The following PIP5K1B variants were observed in gnomAD, a reference collection of about 807,000 sequenced individuals.
The protein encoded by PIP5K1B is phosphatidylinositol-4-phosphate 5-kinase type 1 beta.
Under a neutral mutation model 67.0 loss-of-function variants are expected in PIP5K1B, and 42 were observed. The observed-to-expected ratio is 0.63, with a 90% CI of 0.49 to 0.81. The LOEUF (loss-of-function observed/expected upper bound fraction) is 0.81, where lower values mean the gene tolerates loss of function less well. Among genes scored for constraint, PIP5K1B ranks in the 30% least tolerant of loss-of-function variants. The pLI is 0.00. For synonymous variants in PIP5K1B, 214 were observed against 231.4 expected (o/e 0.92, Z 0.68); for missense variants, 459 against 646.3 (o/e 0.71, Z 3.14).
chr9:68,875,132 A>T (rs933417686), intron 5 of PIP5K1B, among the ~76,000 whole-genome samples: 1 of 151,808 alleles, frequency 6.6e-6, no homozygotes, highest in Admixed American at 6.6e-5. Context: ...GTCATTCCTT[A>T]CTATGTGACT....
intron 8 of PIP5K1B, among the ~76,000 whole-genome samples, chr9:68,912,122 C>G (rs1000171042): frequency 9.2e-5 from 14 of 152,146 alleles, no homozygotes; most frequent in East Asian, 5.8e-4. Flanking sequence ...TGAAATACCC[C>G]CCAGTCGAAA....
intron 1 of PIP5K1B, among the ~76,000 whole-genome samples, chr9:68,741,103 G>A (rs11143589): frequency 2.0e-5 from 3 of 151,976 alleles, no homozygotes; most frequent in African/African-American, 7.2e-5. Flanking sequence ...TTTCATTCTC[G>A]AACACAGATA....
chr9:68,759,779 A>G (rs943494285), intron 2 of PIP5K1B, among the ~76,000 whole-genome samples: 3 of 152,138 alleles, frequency 2.0e-5, no homozygotes, highest in South Asian at 2.1e-4. Flanking sequence ...ATTACTTTTT[A>G]TATTGATTTC....
At chr9:68,968,008 G>T (rs755706347) in intron 14 of PIP5K1B, among the ~76,000 whole-genome samples, 2 of 152,122 alleles carry the variant, frequency 1.3e-5, no homozygotes, top group Non-Finnish European at 2.9e-5. Flanking sequence ...TGGGCAAAAA[G>T]TTCACTATAA....
intron 4 of PIP5K1B, among the ~76,000 whole-genome samples, chr9:68,841,001 A>G (rs1025316611): frequency 2.0e-5 from 3 of 152,164 alleles, no homozygotes; most frequent in Non-Finnish European, 4.4e-5. Flanking sequence ...TGGTACTCTC[A>G]GTAGATACCA....
intron 11 of PIP5K1B, among the ~76,000 whole-genome samples, chr9:68,920,673 T>C (rs1191102092): frequency 6.6e-6 from 1 of 151,940 alleles, no homozygotes; most frequent in Non-Finnish European, 1.5e-5. Flanking sequence ...CAGCCAAGAA[T>C]GTCTTAATTG....
intron 8 of PIP5K1B, among the ~76,000 whole-genome samples, chr9:68,900,469 T>C (rs1185059035): frequency 6.6e-6 from 1 of 152,216 alleles, no homozygotes; most frequent in African/African-American, 2.4e-5. Context: ...CCATGATTAT[T>C]TTTTCTCTGA....
In PIP5K1B at chr9:68,756,246, G is replaced by A. The variant is rs143554628; in HGVS notation, c.-86+13589G>A. Reference sequence around the variant, plus strand: ...ATATTAATTCTAGAAACTTATAGCAGATCCATTTCCATTTCCAAAGCCGAA... The same window carrying A: ...ATATTAATTCTAGAAACTTATAGCAAATCCATTTCCATTTCCAAAGCCGAA... On this transcript the variant is annotated intron_variant, in intron 2 of 15. Coordinates refer to ENST00000265382, the MANE Select transcript of PIP5K1B (RefSeq NM_003558.4). Among the ~76,000 whole-genome samples, 633 of 152,288 alleles carry A rather than the reference G, an allele frequency of 4.2e-3. 3 individuals carry two copies. The highest frequency in any genetic ancestry group is 0.02 in the Middle Eastern group (6 of 294).
chr9:68,780,082 G>T (rs528045876), intron 2 of PIP5K1B: 2 of 1,334,336 alleles, frequency 1.5e-6, no homozygotes, highest in East Asian at 2.8e-5. Flanking sequence ...CGGTGGCGGC[G>T]GCAGCGGCGG....
Position 68,965,916 on chromosome 9 carries a change from G to A in PIP5K1B, c.1502+25126G>A, listed in dbSNP as rs550109458. ...TTGAACCCAGGAGGCGGAAGTTGTA[G>A]TGAGCTGAGATTGTGCCACTGCACT... On this transcript the variant is annotated intron_variant, in intron 14 of 15. Transcript: ENST00000265382. Among the ~76,000 whole-genome samples the A allele has an allele frequency of 4.7e-5, 7 of 149,220 alleles. No homozygotes were observed. In the East Asian group the frequency reaches 1.4e-3, roughly 30 times the overall value.
intron 2 of PIP5K1B, among the ~76,000 whole-genome samples, chr9:68,775,687 A>G (rs62552129): frequency 6.6e-6 from 1 of 152,156 alleles, no homozygotes; most frequent in Non-Finnish European, 1.5e-5. Context: ...TTTTGGACCA[A>G]CGTTGGCCAC....
chr9:68,757,103 A>G (rs1392429227), intron 2 of PIP5K1B, among the ~76,000 whole-genome samples: 3 of 152,192 alleles, frequency 2.0e-5, no homozygotes, highest in Non-Finnish European at 4.4e-5. Flanking sequence ...TTGTTCCAAC[A>G]TACTTAGCAG....
chr9:68,926,718 T>C (rs1056850255), intron 12 of PIP5K1B, among the ~76,000 whole-genome samples: 1 of 152,114 alleles, frequency 6.6e-6, no homozygotes, highest in African/African-American at 2.4e-5. Context: ...ATTACAGGCA[T>C]GAGCCACCAC....
chr9:68,788,090 C>G (rs978326822), intron 2 of PIP5K1B, among the ~76,000 whole-genome samples: 3 of 152,212 alleles, frequency 2.0e-5, no homozygotes, highest in Non-Finnish European at 4.4e-5. Context: ...CATCACACAC[C>G]TTGTCCTTGA....
At chr9:68,925,901 G>A (rs181058130) in intron 12 of PIP5K1B, among the ~76,000 whole-genome samples, 71 of 147,626 alleles carry the variant, frequency 4.8e-4, no homozygotes, top group East Asian at 1.8e-3. Context: ...GGGTTTAAGC[G>A]ATTCTTCTGC....
chr9:68,919,366 G>A lies in PIP5K1B; in HGVS notation c.984-113G>A, dbSNP rs113973462. On this transcript the variant is annotated intron_variant, in intron 9 of 15. Transcript: ENST00000265382. ...AAAAAGATGAATGGGAGATAGCCCA[G>A]AATTCTTAAAAATTGTCAATTTTTA... is the stretch of plus-strand genomic sequence containing the variant. 2,990 of 597,292 alleles carry A rather than the reference G, an allele frequency of 5.0e-3. 6 individuals are homozygous for A. Among genetic ancestry groups the A allele is most frequent in the Non-Finnish European group, 6.5e-3 (2,238 of 346,722 alleles). 37.0% of individuals were successfully genotyped at this position (597,292 alleles called of 1,614,324 possible).
chr9:68,802,065 T>C (rs180796580), intron 2 of PIP5K1B, among the ~76,000 whole-genome samples: 1 of 152,232 alleles, frequency 6.6e-6, no homozygotes, highest in Admixed American at 6.5e-5. Flanking sequence ...AAAATAGATA[T>C]GAGTTGCATT....
intron 14 of PIP5K1B, among the ~76,000 whole-genome samples, chr9:68,973,278 A>G (rs141646313): frequency 1.2e-3 from 183 of 152,276 alleles, no homozygotes; most frequent in African/African-American, 4.3e-3. Context: ...AAACACATTA[A>G]CAAGAAAAAA....
chr9:68,977,854 C>T (rs1021677127), intron 14 of PIP5K1B, among the ~76,000 whole-genome samples: 1 of 151,796 alleles, frequency 6.6e-6, no homozygotes, highest in Admixed American at 6.6e-5. Flanking sequence ...TGTGGTTTCA[C>T]CCCAGGCTGG....
Sources: gnomAD v4.1 joint callset for allele counts (sites outside exome capture counted in the v4.1 genomes callset) on GRCh38, gnomAD v4.1.1 for gene constraint, MANE v1.5 for transcripts, NCBI Gene and HGNC (gene_info 2026-07-23, HGNC 2026-07-21) for gene names.